The following PARN variants were observed in gnomAD, a reference collection of about 807,000 sequenced individuals.
The protein encoded by PARN is poly(A)-specific ribonuclease.
PARN carries 71 observed loss-of-function variants against 102.8 expected under a neutral mutation model. The observed-to-expected ratio is 0.69, with a 90% CI of 0.57 to 0.84. The LOEUF (loss-of-function observed/expected upper bound fraction) is 0.84. Among genes scored for constraint, PARN ranks in the 40% least tolerant of loss-of-function variants. The probability of loss-of-function intolerance (pLI) is 0.00; values close to 1 mark genes in which losing one functional copy is unlikely to be tolerated. For synonymous variants in PARN, 261 were observed against 252.9 expected, an observed-to-expected ratio of 1.03 and a Z score of -0.30; for missense variants, 782 against 760.9, an observed-to-expected ratio of 1.03 and a Z score of -0.33.
chr16:14,594,641 A>G, intron 12 of PARN, among the ~76,000 whole-genome samples: 1 of 152,102 alleles, frequency 6.6e-6, no homozygotes, highest in Non-Finnish European at 1.5e-5. Flanking sequence ...GCTTGAACCC[A>G]GGAGGCGGAG....
intron 22 of PARN, among the ~76,000 whole-genome samples, chr16:14,464,076 C>T (rs1201360432): frequency 6.6e-6 from 1 of 152,146 alleles, no homozygotes; most frequent in Non-Finnish European, 1.5e-5. Flanking sequence ...CTCTTAGGTT[C>T]AAGAGATCCA....
intron 7 of PARN, among the ~76,000 whole-genome samples, chr16:14,609,741 C>G (rs562561992): frequency 6.6e-6 from 1 of 152,152 alleles, no homozygotes; most frequent in Non-Finnish European, 1.5e-5. Flanking sequence ...TGAGCAAGAC[C>G]AGACACTTGT....
intron 21 of PARN, among the ~76,000 whole-genome samples, chr16:14,507,561 T>C (rs1964962172): frequency 6.6e-6 from 1 of 151,624 alleles, no homozygotes; most frequent in East Asian, 1.9e-4. Context: ...TGGTGGTGTG[T>C]GTCTGTAGTC....
chr16:14,556,324 A>G (rs542973799), intron 18 of PARN, among the ~76,000 whole-genome samples: 1 of 150,178 alleles, frequency 6.7e-6, no homozygotes, highest in East Asian at 2.0e-4. Flanking sequence ...AAGCCCAGCT[A>G]ATTTTTTGTA....
At chr16:14,593,630 T>C (rs1220221951) in intron 12 of PARN, among the ~76,000 whole-genome samples, 2 of 152,030 alleles carry the variant, frequency 1.3e-5, no homozygotes, top group African/African-American at 4.8e-5. Context: ...CTGATCTTTT[T>C]CTTGAATTTT....
At chr16:14,467,367 C>G (rs1241247421) in intron 22 of PARN, among the ~76,000 whole-genome samples, 2 of 152,194 alleles carry the variant, frequency 1.3e-5, no homozygotes, top group Non-Finnish European at 2.9e-5. Flanking sequence ...CATCAAGAAA[C>G]ACAATGCTTC....
intron 22 of PARN, among the ~76,000 whole-genome samples, chr16:14,479,938 A>G (rs1382022967): frequency 2.0e-5 from 3 of 150,286 alleles, no homozygotes; most frequent in Non-Finnish European, 4.4e-5. Context: ...AAAAAAAAAG[A>G]GACAATCACT....
At chr16:14,568,743 A>C (rs1968594402) in intron 18 of PARN, among the ~76,000 whole-genome samples, 1 of 151,584 alleles carries the variant, frequency 6.6e-6, no homozygotes, top group Non-Finnish European at 1.5e-5. Context: ...AAAATACAAA[A>C]AGTTAGCAGG....
chr16:14,556,998 C>T (rs560339610), intron 18 of PARN, among the ~76,000 whole-genome samples: 84 of 152,198 alleles, frequency 5.5e-4, no homozygotes, highest in South Asian at 8.3e-4. Context: ...AAAATGGGTA[C>T]AAAGGCACTT....
At chr16:14,525,057 G>C (rs1477773388) in intron 21 of PARN, among the ~76,000 whole-genome samples, 1 of 152,204 alleles carries the variant, frequency 6.6e-6, no homozygotes, top group Non-Finnish European at 1.5e-5. Context: ...AATATGAGGA[G>C]TGTTAAATTT....
At chr16:14,580,778 G>A in intron 18 of PARN, 96 bp downstream of exon 18, 1 of 667,346 alleles carries the variant, frequency 1.5e-6, no homozygotes, top group Middle Eastern at 2.6e-4. Context: ...ATCTAAAAAT[G>A]TGTTATAGCT....
At chr16:14,606,926 C>T (rs535656371) in intron 9 of PARN, among the ~76,000 whole-genome samples, 1 of 152,064 alleles carries the variant, frequency 6.6e-6, no homozygotes, top group South Asian at 2.1e-4. Flanking sequence ...GGACTATAGG[C>T]ACCTGCCACC....
intron 21 of PARN, among the ~76,000 whole-genome samples, chr16:14,514,997 T>TA (rs1965392406): frequency 6.6e-6 from 1 of 152,242 alleles, no homozygotes; most frequent in South Asian, 2.1e-4. Flanking sequence ...AGTAACACAG[T>TA]ATGTGGCCCA....
intron 3 of PARN, 92 bp downstream of exon 3, chr16:14,628,080 C>T (rs1219113091): frequency 2.5e-6 from 2 of 811,510 alleles, no homozygotes; most frequent in Admixed American, 2.3e-5. Context: ...ACTTACAAAA[C>T]CTTAATGCAC....
At chr16:14,537,612 T>C (rs1596609652) in intron 21 of PARN, among the ~76,000 whole-genome samples, 1 of 152,102 alleles carries the variant, frequency 6.6e-6, no homozygotes, top group African/African-American at 2.4e-5. Flanking sequence ...AAAAAAAGAA[T>C]GAAATTCTGT....
intron 21 of PARN, among the ~76,000 whole-genome samples, chr16:14,521,667 A>G (rs994273730): frequency 1.3e-5 from 2 of 151,990 alleles, no homozygotes; most frequent in Non-Finnish European, 2.9e-5. Context: ...GTGTAGTGGT[A>G]CATGCCTGTA....
At chr16:14,581,377 G>C (rs576444122) in intron 17 of PARN, among the ~76,000 whole-genome samples, 1 of 152,176 alleles carries the variant, frequency 6.6e-6, no homozygotes, top group South Asian at 2.1e-4. Context: ...TACGCACCAA[G>C]TACCATACCA....
intron 6 of PARN, 93 bp downstream of exon 6, chr16:14,617,497 A>C: frequency 1.3e-6 from 1 of 741,782 alleles, no homozygotes; most frequent in South Asian, 1.5e-5. Context: ...CTCAGCAGGC[A>C]CAAAATAATA....
chr16:14,506,762 A>G (rs928173356), intron 21 of PARN, among the ~76,000 whole-genome samples: 2 of 152,220 alleles, frequency 1.3e-5, no homozygotes, highest in Non-Finnish European at 2.9e-5. Context: ...AGGCTGAGGC[A>G]GGAGGACTGC....
Sources: allele counts gnomAD v4.1 joint callset (sites outside exome capture counted in the v4.1 genomes callset), GRCh38; gene constraint gnomAD v4.1.1; transcripts MANE v1.5; gene names NCBI Gene and HGNC (gene_info 2026-07-23, HGNC 2026-07-21).